SPMIP11: variants seen among roughly 807,000 people sequenced by gnomAD.
SPMIP11 encodes the protein long intergenic non-protein coding RNA 935.
chr12:48,762,930 T>A, the SPMIP11 span, among the ~76,000 whole-genome samples: 1 of 152,062 alleles, frequency 6.6e-6, no homozygotes, highest in Admixed American at 6.5e-5. Flanking sequence ...AGAGACAGGG[T>A]CTTGCTATGT....
chr12:48,752,008 AG>A, the SPMIP11 span, among the ~76,000 whole-genome samples: 2 of 150,644 alleles, frequency 1.3e-5, no homozygotes, highest in Non-Finnish European at 3.0e-5. Flanking sequence ...CGGAGGTTGC[AG>A]TGAGCTCAGA....
chr12:48,740,101 A>G, the SPMIP11 span, among the ~76,000 whole-genome samples: 1 of 152,118 alleles, frequency 6.6e-6, no homozygotes, highest in Non-Finnish European at 1.5e-5. Flanking sequence ...TGATGATGTC[A>G]TTTTAGCAAA....
the SPMIP11 span, among the ~76,000 whole-genome samples, chr12:48,764,257 G>A: frequency 1.3e-5 from 2 of 152,032 alleles, no homozygotes; most frequent in Admixed American, 1.3e-4. Flanking sequence ...CCAAAGTGCT[G>A]GAATTACAGG....
chr12:48,744,153 C>A, the SPMIP11 span, among the ~76,000 whole-genome samples: 3 of 148,914 alleles, frequency 2.0e-5, no homozygotes, highest in African/African-American at 5.0e-5. Context: ...GAGGCCGAGG[C>A]AGGAGAATCG....
chr12:48,730,741 C>A, the SPMIP11 span, among the ~76,000 whole-genome samples: 1 of 152,034 alleles, frequency 6.6e-6, no homozygotes, highest in African/African-American at 2.4e-5. Flanking sequence ...AGTTCGAGAC[C>A]AGCCTGGCCA....
chr12:48,740,292 C>G, the SPMIP11 span, among the ~76,000 whole-genome samples: 4 of 152,146 alleles, frequency 2.6e-5, no homozygotes, highest in South Asian at 4.1e-4. Flanking sequence ...TTTGTCTCTA[C>G]TATAATATCT....
chr12:48,765,094 T>G, the SPMIP11 span: 1 of 613,228 alleles, frequency 1.6e-6, no homozygotes, highest in Non-Finnish European at 2.9e-6. Context: ...AGTTAGGGAA[T>G]TAGGAGAGAT....
the SPMIP11 span, among the ~76,000 whole-genome samples, chr12:48,755,878 T>TC: frequency 1.4e-5 from 2 of 143,302 alleles, no homozygotes; most frequent in African/African-American, 5.1e-5. Flanking sequence ...TTTCTTTCTT[T>TC]TTTTTTTTTT....
At chr12:48,753,154 T>C in the SPMIP11 span, among the ~76,000 whole-genome samples, 1 of 152,170 alleles carries the variant, frequency 6.6e-6, no homozygotes, top group South Asian at 2.1e-4. Flanking sequence ...CAGAACACTG[T>C]TCATTGACCG....
the SPMIP11 span, among the ~76,000 whole-genome samples, chr12:48,752,102 T>C: frequency 1.3e-5 from 2 of 150,684 alleles, no homozygotes; most frequent in Non-Finnish European, 3.0e-5. Flanking sequence ...AAAAGGTGTA[T>C]TGTGGACATT....
the SPMIP11 span, among the ~76,000 whole-genome samples, chr12:48,737,080 G>A: frequency 2.4e-4 from 37 of 151,890 alleles, no homozygotes; most frequent in Admixed American, 2.0e-3. Context: ...CTCCTTAGTG[G>A]CTGGAACTGC....
At chr12:48,747,942 C>G in the SPMIP11 span, among the ~76,000 whole-genome samples, 1 of 152,066 alleles carries the variant, frequency 6.6e-6, no homozygotes, top group African/African-American at 2.4e-5. Context: ...TTTAGTCTTC[C>G]TAGAGTGATG....
At chr12:48,770,973 G>A in the SPMIP11 span, 1 of 1,613,588 alleles carries the variant, frequency 6.2e-7, no homozygotes, top group Admixed American at 1.7e-5. Flanking sequence ...CTGATAATCT[G>A]AACAACACAA....
the SPMIP11 span, among the ~76,000 whole-genome samples, chr12:48,733,716 A>G: frequency 4.7e-5 from 7 of 150,310 alleles, no homozygotes; most frequent in African/African-American, 1.7e-4. Flanking sequence ...AATGTCTGGA[A>G]TGTATACCAA....
At chr12:48,754,163 G>T in the SPMIP11 span, among the ~76,000 whole-genome samples, 1 of 152,176 alleles carries the variant, frequency 6.6e-6, no homozygotes, top group African/African-American at 2.4e-5. Flanking sequence ...CACTGTGTGA[G>T]GCCGAGGCAG....
the SPMIP11 span, among the ~76,000 whole-genome samples, chr12:48,747,272 A>G: frequency 6.6e-6 from 1 of 152,082 alleles, no homozygotes; most frequent in African/African-American, 2.4e-5. Flanking sequence ...TACAGGCATG[A>G]GCCACCATGC....
the SPMIP11 span, among the ~76,000 whole-genome samples, chr12:48,733,619 A>C: frequency 6.6e-6 from 1 of 152,138 alleles, no homozygotes; most frequent in Non-Finnish European, 1.5e-5. Context: ...CATATTCACT[A>C]TCCACCTGTT....
the SPMIP11 span, among the ~76,000 whole-genome samples, chr12:48,734,856 T>A: frequency 3.3e-5 from 5 of 151,556 alleles, no homozygotes. Context: ...ACAAAAAAAA[T>A]TAGCCAGGTG....
the SPMIP11 span, among the ~76,000 whole-genome samples, chr12:48,731,321 T>C: frequency 1.3e-5 from 2 of 151,974 alleles, no homozygotes; most frequent in African/African-American, 4.8e-5. Flanking sequence ...AGAAACCCCG[T>C]CTCTATTAAA....
Sources: allele counts gnomAD v4.1 joint callset (sites outside exome capture counted in the v4.1 genomes callset), GRCh38; gene constraint gnomAD v4.1.1; transcripts MANE v1.5; gene names NCBI Gene and HGNC (gene_info 2026-07-23, HGNC 2026-07-21).